The following GATB variants were observed in gnomAD, a reference collection of about 807,000 sequenced individuals.
GATB encodes glutamyl-tRNA(Gln) amidotransferase subunit B, mitochondrial.
A neutral mutation model predicts 62.3 loss-of-function variants in GATB; 39 were observed. The observed-to-expected ratio is 0.63, with a 90% confidence interval of 0.48 to 0.82. The LOEUF is 0.82. GATB is among the 40% of genes least tolerant of loss of function. GATB has a pLI of 0.00. For missense variants in GATB, 670 were observed against 684.0 expected (o/e 0.98, Z 0.23); for synonymous variants, 276 against 258.9 (o/e 1.07, Z -0.63).
chr4:151,731,941 G>A (rs1179239700), intron 2 of GATB, among the ~76,000 whole-genome samples: 1 of 101,640 alleles, frequency 9.8e-6, no homozygotes, highest in South Asian at 2.6e-4. Context: ...CGGGCCAGCC[G>A]CCCCGTCCGG....
chr4:151,717,953 C>A (rs1160955194), intron 3 of GATB, among the ~76,000 whole-genome samples: 2 of 152,170 alleles, frequency 1.3e-5, no homozygotes, highest in African/African-American at 2.4e-5. Context: ...CAGCCACATA[C>A]AGAGCTAGTG....
rs546059043 is a variant in GATB, at chr4:151,678,667, C to T, written c.1410+1146G>A. 5.3e-5 allele frequency among the ~76,000 whole-genome samples: 8 copies of T among 152,186 alleles called. No homozygotes were observed. The East Asian group carries it at 9.7e-4, about 18-fold the overall frequency. On this transcript the variant is annotated intron_variant, in intron 11 of 12. Transcript: ENST00000263985. Reference sequence around the variant, plus strand: ...GTCTCCAGTTCCACAGCACCCAGCCCGGTGCGTGCACTATGGTGCCTCATA... The same window carrying T: ...GTCTCCAGTTCCACAGCACCCAGCCTGGTGCGTGCACTATGGTGCCTCATA...
rs146864301 is a variant in GATB, at chr4:151,754,286, C to T, written c.327+4486G>A. 1.3e-3 allele frequency among the ~76,000 whole-genome samples: 193 copies of T among 152,316 alleles called. 2 individuals carry two copies. Among genetic ancestry groups the T allele is most frequent in the African/African-American group, 4.1e-3 (169 of 41,564 alleles). On this transcript the variant is annotated intron_variant, in intron 2 of 12. Coordinates refer to ENST00000263985, the MANE Select transcript of GATB (RefSeq NM_004564.3). ...ACGTTTCAGTTTCTAGAGCAAGCCA[C>T]GTTGTTTTTCTTCTGGTCTTTGTAC...
intron 11 of GATB, chr4:151,674,121 C>T (rs548802208): frequency 6.6e-6 from 1 of 152,330 alleles, no homozygotes; most frequent in South Asian, 2.1e-4. Flanking sequence ...GGTAAGCTCC[C>T]TACAGGGCAC....
chr4:151,732,119 C>T (rs1578929875), intron 2 of GATB, among the ~76,000 whole-genome samples: 2 of 149,810 alleles, frequency 1.3e-5, no homozygotes, highest in Non-Finnish European at 3.0e-5. Context: ...AGCCTCCGCC[C>T]GGCCACCGCC....
chr4:151,748,451 C>T (rs1325215077), intron 2 of GATB, among the ~76,000 whole-genome samples: 1 of 152,192 alleles, frequency 6.6e-6, no homozygotes, highest in Non-Finnish European at 1.5e-5. Context: ...GGAAAACTGG[C>T]TAGCCATATG....
chr4:151,713,792 C>T (rs774121512), intron 5 of GATB, among the ~76,000 whole-genome samples: 12 of 152,090 alleles, frequency 7.9e-5, no homozygotes, highest in Non-Finnish European at 2.9e-5. Context: ...GGAAGTGGTA[C>T]GAAGCTGTGC....
chr4:151,705,084 C>T, intron 7 of GATB, 101 bp downstream of exon 7: 1 of 745,076 alleles, frequency 1.3e-6, no homozygotes, highest in Non-Finnish European at 2.4e-6. Flanking sequence ...AGTGGAGACG[C>T]TACGTGCCTC....
intron 12 of GATB, among the ~76,000 whole-genome samples, chr4:151,671,842 A>G (rs1414853612): frequency 6.6e-6 from 1 of 152,156 alleles, no homozygotes; most frequent in Non-Finnish European, 1.5e-5. Flanking sequence ...TGAGGAAGCC[A>G]GGAGGTGCTG....
chr4:151,694,794 T>C (rs768772113), intron 9 of GATB, among the ~76,000 whole-genome samples: 5 of 152,190 alleles, frequency 3.3e-5, no homozygotes, highest in Non-Finnish European at 7.3e-5. Context: ...AATTATTTTA[T>C]AGGCAATTCA....
At chr4:151,684,495 C>G (rs949090631) in intron 10 of GATB, among the ~76,000 whole-genome samples, 1 of 152,198 alleles carries the variant, frequency 6.6e-6, no homozygotes, top group African/African-American at 2.4e-5. Flanking sequence ...AATTTGATCT[C>G]CAGAGTGTTC....
chr4:151,731,300 G>A (rs1739242737), intron 2 of GATB, among the ~76,000 whole-genome samples: 1 of 152,172 alleles, frequency 6.6e-6, no homozygotes, highest in Non-Finnish European at 1.5e-5. Flanking sequence ...TTTTTTTGGT[G>A]GAGACGGGGT....
At chr4:151,732,102 T>G (rs1403796147) in intron 2 of GATB, among the ~76,000 whole-genome samples, 2 of 135,284 alleles carry the variant, frequency 1.5e-5, no homozygotes, top group African/African-American at 5.6e-5. Flanking sequence ...GGGAGGGAGG[T>G]GGGGGGAGCC....
intron 6 of GATB, among the ~76,000 whole-genome samples, chr4:151,707,304 T>A (rs910170668): frequency 2.0e-5 from 3 of 152,182 alleles, no homozygotes; most frequent in Non-Finnish European, 4.4e-5. Context: ...TTTTCTTTTT[T>A]TTTCTTAGAG....
intron 9 of GATB, among the ~76,000 whole-genome samples, chr4:151,692,632 G>C (rs531477980): frequency 6.6e-6 from 1 of 152,086 alleles, no homozygotes; most frequent in Admixed American, 6.5e-5. Flanking sequence ...ACTGGGCTCC[G>C]GGGATGGAGG....
chr4:151,716,859 A>G lies in GATB; in HGVS notation c.640+17T>C, dbSNP rs1738921849. 6.2e-7 allele frequency: 1 copy of G among 1,612,464 alleles called. No individual in the cohort carries two copies. The highest frequency in any genetic ancestry group is 8.5e-7 in the Non-Finnish European group (1 of 1,178,746). On this transcript the variant is annotated intron_variant, in intron 4 of 12. Coordinates refer to ENST00000263985, the MANE Select transcript of GATB (RefSeq NM_004564.3). ...CTGAAGTAGGAAGGAGAAATAATGA[A>G]AACACTCCAAGCCTACCTGCCCTGT... is the stretch of plus-strand genomic sequence containing the variant.
rs763699330 is a variant in GATB, at chr4:151,758,932, A to G, written c.177-10T>C. ...AGCCCATTTGTGTTCACTAAGAAGA[A>G]AGAGATAATGGTTAAGATGTATTAT... On this transcript the variant is annotated splice_polypyrimidine_tract_variant and intron_variant, in intron 1 of 12. Transcript: ENST00000263985. The G allele has an allele frequency of 6.3e-7, 1 of 1,588,878 alleles. No individual in the cohort carries two copies. The highest frequency in any genetic ancestry group is 8.6e-7 in the Non-Finnish European group (1 of 1,167,126).
chr4:151,711,098 T>C (rs1738810130), intron 5 of GATB, among the ~76,000 whole-genome samples: 1 of 152,164 alleles, frequency 6.6e-6, no homozygotes, highest in Admixed American at 6.5e-5. Flanking sequence ...CACCAGCCTA[T>C]TTCTAAAAAC....
At chr4:151,740,823 A>G (rs757862912) in intron 2 of GATB, among the ~76,000 whole-genome samples, 1 of 152,210 alleles carries the variant, frequency 6.6e-6, no homozygotes, top group Admixed American at 6.5e-5. Flanking sequence ...CTGCGTTTTT[A>G]TTATAGGCTT....
Sources: gnomAD v4.1 joint callset for allele counts (sites outside exome capture counted in the v4.1 genomes callset) on GRCh38, gnomAD v4.1.1 for gene constraint, MANE v1.5 for transcripts, NCBI Gene and HGNC (gene_info 2026-07-23, HGNC 2026-07-21) for gene names.